BCKDHB: variants seen among roughly 807,000 people sequenced by gnomAD.
The protein encoded by BCKDHB is 2-oxoisovalerate dehydrogenase subunit beta, mitochondrial.
In BCKDHB, 41 loss-of-function variants were observed where a neutral mutation model predicts 48.5. That is an observed-to-expected ratio of 0.85 (90% CI 0.66 to 1.10). The LOEUF (loss-of-function observed/expected upper bound fraction) is 1.10, where lower values mean the gene tolerates loss of function less well. Ranked by LOEUF, BCKDHB falls within the 50% of genes least tolerant of loss-of-function variation. The pLI is 0.00. For synonymous variants in BCKDHB, 201 were observed against 174.8 expected, an observed-to-expected ratio of 1.15 and a Z score of -1.18; for missense variants, 496 against 494.2, an observed-to-expected ratio of 1.00 and a Z score of -0.03.
the BCKDHB span, among the ~76,000 whole-genome samples, chr6:80,464,722 C>T: frequency 1.3e-5 from 2 of 152,198 alleles, no homozygotes; most frequent in Non-Finnish European, 2.9e-5. Flanking sequence ...ATTCATTATA[C>T]TGCTCTTCCA....
chr6:80,424,427 T>C, the BCKDHB span, among the ~76,000 whole-genome samples: 1 of 152,186 alleles, frequency 6.6e-6, no homozygotes, highest in Non-Finnish European at 1.5e-5. Context: ...ATTCTTATAA[T>C]TGCTTCCTAG....
the BCKDHB span, among the ~76,000 whole-genome samples, chr6:80,363,929 G>A: frequency 1.3e-5 from 2 of 152,188 alleles, no homozygotes; most frequent in African/African-American, 4.8e-5. Context: ...TAATGGCATT[G>A]CAGTGAACCC....
At chr6:80,411,836 C>A in the BCKDHB span, among the ~76,000 whole-genome samples, 1 of 152,182 alleles carries the variant, frequency 6.6e-6, no homozygotes, top group African/African-American at 2.4e-5. Flanking sequence ...AGTGTTTAGG[C>A]AGAAGTGTAT....
the BCKDHB span, among the ~76,000 whole-genome samples, chr6:80,408,278 G>A: frequency 1.7e-4 from 26 of 152,074 alleles, no homozygotes; most frequent in African/African-American, 6.3e-4. Flanking sequence ...GAGGATTTTT[G>A]CATCAATGTT....
intron 8 of BCKDHB, among the ~76,000 whole-genome samples, chr6:80,216,820 C>G (rs181528926): frequency 1.3e-4 from 20 of 152,228 alleles, no homozygotes; most frequent in Admixed American, 1.3e-3. Flanking sequence ...ATTCTGTAAT[C>G]GTTAAGAATT....
chr6:80,125,104 G>A (rs1056550306), intron 1 of BCKDHB, among the ~76,000 whole-genome samples: 1 of 152,174 alleles, frequency 6.6e-6, no homozygotes, highest in Non-Finnish European at 1.5e-5. Flanking sequence ...CTTCATCAAT[G>A]ATCTTAGTGA....
chr6:80,393,444 C>T, the BCKDHB span, among the ~76,000 whole-genome samples: 2 of 152,266 alleles, frequency 1.3e-5, no homozygotes, highest in Non-Finnish European at 2.9e-5. Flanking sequence ...TCTGAGAGAG[C>T]ATGTGTGCCC....
intron 1 of BCKDHB, among the ~76,000 whole-genome samples, chr6:80,112,365 A>T (rs1769454055): frequency 6.6e-6 from 1 of 152,052 alleles, no homozygotes; most frequent in Non-Finnish European, 1.5e-5. Flanking sequence ...CAGACTCCAA[A>T]CACTGGGGCC....
chr6:80,302,146 C>T (rs546762777), intron 9 of BCKDHB, among the ~76,000 whole-genome samples: 12 of 152,124 alleles, frequency 7.9e-5, no homozygotes, highest in African/African-American at 2.9e-4. Flanking sequence ...GAAGTCCTGG[C>T]CAGAGCAATC....
the BCKDHB span, among the ~76,000 whole-genome samples, chr6:80,404,934 G>C: frequency 1.5e-4 from 23 of 152,008 alleles, no homozygotes; most frequent in Non-Finnish European, 7.4e-5. Context: ...CCTTAAATTT[G>C]TTAGGACTGA....
the BCKDHB span, among the ~76,000 whole-genome samples, chr6:80,380,332 G>A: frequency 6.6e-6 from 1 of 151,966 alleles, no homozygotes; most frequent in Non-Finnish European, 1.5e-5. Context: ...ATAAACAATG[G>A]GGAAAGGACA....
intron 9 of BCKDHB, among the ~76,000 whole-genome samples, chr6:80,319,989 A>C (rs1768636130): frequency 6.6e-6 from 1 of 152,246 alleles, no homozygotes; most frequent in Non-Finnish European, 1.5e-5. Flanking sequence ...AATTTAAGAT[A>C]TACTAAAATT....
the BCKDHB span, among the ~76,000 whole-genome samples, chr6:80,357,443 A>G: frequency 6.6e-6 from 1 of 152,082 alleles, no homozygotes; most frequent in Non-Finnish European, 1.5e-5. Context: ...CAATTGCAAG[A>G]TGGAGGCCAA....
the BCKDHB span, among the ~76,000 whole-genome samples, chr6:80,373,142 T>A: frequency 6.6e-6 from 1 of 152,170 alleles, no homozygotes; most frequent in Non-Finnish European, 1.5e-5. Context: ...ATTTGTCTGT[T>A]AAGAGTCTCT....
chr6:80,351,737 G>A, the BCKDHB span, among the ~76,000 whole-genome samples: 2 of 150,668 alleles, frequency 1.3e-5, no homozygotes, highest in African/African-American at 4.9e-5. Context: ...CGACCTCATG[G>A]GCTCAAGCAA....
At chr6:80,154,102 A>C (rs1322618609) in intron 3 of BCKDHB, among the ~76,000 whole-genome samples, 1 of 152,138 alleles carries the variant, frequency 6.6e-6, no homozygotes, top group Non-Finnish European at 1.5e-5. Context: ...TCTTTTTCAT[A>C]AAACTTTGTA....
chr6:80,404,221 A>T, the BCKDHB span, among the ~76,000 whole-genome samples: 2 of 151,874 alleles, frequency 1.3e-5, no homozygotes, highest in African/African-American at 4.8e-5. Context: ...TTTCAAAGGG[A>T]ATTTTTTTTA....
At chr6:80,288,135 A>C (rs1228122943) in intron 9 of BCKDHB, among the ~76,000 whole-genome samples, 1 of 152,116 alleles carries the variant, frequency 6.6e-6, no homozygotes, top group Non-Finnish European at 1.5e-5. Flanking sequence ...TATTACGCAC[A>C]AAATGAAGAT....
the BCKDHB span, among the ~76,000 whole-genome samples, chr6:80,444,188 G>C: frequency 2.0e-5 from 3 of 152,050 alleles, no homozygotes; most frequent in African/African-American, 7.2e-5. Flanking sequence ...GCCAGATTGT[G>C]AAGAAACTTG....
Sources: allele counts gnomAD v4.1 joint callset (sites outside exome capture counted in the v4.1 genomes callset), GRCh38; gene constraint gnomAD v4.1.1; transcripts MANE v1.5; gene names NCBI Gene and HGNC (gene_info 2026-07-23, HGNC 2026-07-21).